The following WBP11 variants were observed in gnomAD, a reference collection of about 807,000 sequenced individuals.
WBP11 encodes WW domain-binding protein 11.
Under a neutral mutation model 66.7 loss-of-function variants are expected in WBP11, and 12 were observed. That is an observed-to-expected ratio of 0.18 (90% CI 0.12 to 0.29). WBP11 has a LOEUF of 0.29. Ranked by LOEUF, WBP11 falls within the 10% of genes least tolerant of loss-of-function variation. The pLI is 1.00. For synonymous variants in WBP11, 255 were observed against 273.8 expected, an observed-to-expected ratio of 0.93 and a Z score of 0.68; for missense variants, 555 against 818.3, an observed-to-expected ratio of 0.68 and a Z score of 3.93.
chr12:14,802,857 C>T (rs926023855), intron 1 of WBP11, among the ~76,000 whole-genome samples: 1 of 152,156 alleles, frequency 6.6e-6, no homozygotes, highest in Non-Finnish European at 1.5e-5. Flanking sequence ...TCTCCTCCCC[C>T]ACAAATGAAA....
At chr12:14,803,271 G>T (rs1046746113) in intron 1 of WBP11, 81 bp downstream of exon 1, 1 of 395,644 alleles carries the variant, frequency 2.5e-6, no homozygotes, top group African/African-American at 2.1e-5. Flanking sequence ...AAAGGGGCTG[G>T]GTGTCCCCCA....
intron 9 of WBP11, 37 bp downstream of exon 9, chr12:14,791,132 C>CA (rs1247086229): frequency 6.3e-7 from 1 of 1,589,600 alleles, no homozygotes; most frequent in African/African-American, 1.3e-5. Context: ...CGTGAGGATA[C>CA]ACCAAAAGGT....
rs554761826 is a variant in WBP11 at position 14,796,545 on chromosome 12, A to AG, written c.387+261_387+262insC. On this transcript the variant is annotated intron_variant, in intron 5 of 11. Transcript: ENST00000261167. The surrounding 1 kb of genome is among the most constrained non-coding windows in gnomAD (Gnocchi z 4.5). Reference sequence around the variant, plus strand: ...TGGTGGAAAAATCCACACCTGACCTAATGTGATGGGTCGTAGTTTTGTTTC... The same window carrying AG: ...TGGTGGAAAAATCCACACCTGACCTAGATGTGATGGGTCGTAGTTTTGTTTC... 8.9e-4 allele frequency among the ~76,000 whole-genome samples: 136 copies of AG among 152,292 alleles called. No individual in the cohort carries two copies. The highest frequency in any genetic ancestry group is 3.0e-3 in the African/African-American group (126 of 41,562).
intron 11 of WBP11, among the ~76,000 whole-genome samples, chr12:14,788,389 C>T (rs1290458280): frequency 6.6e-6 from 1 of 152,144 alleles, no homozygotes; most frequent in Non-Finnish European, 1.5e-5. Flanking sequence ...TCAAATACCA[C>T]TTTTAAATGA....
At chr12:14,802,710 T>G (rs1297350238) in intron 1 of WBP11, among the ~76,000 whole-genome samples, 106 of 134,260 alleles carry the variant, frequency 7.9e-4, no homozygotes, top group South Asian at 1.3e-3. Context: ...GTTAGGGGGG[T>G]GGGAGAGCAG....
chr12:14,786,083 C>A lies in WBP11; in HGVS notation c.*982G>T, dbSNP rs941576132. 3 of 152,140 alleles carry A rather than the reference C, an allele frequency of 2.0e-5. No individual in the cohort carries two copies. Among genetic ancestry groups the A allele is most frequent in the African/African-American group, 7.2e-5 (3 of 41,442 alleles). The allele number at this position is 152,140 out of a possible 1,614,324, so 9.4% of individuals were successfully genotyped here. A position where few individuals can be genotyped will look rare whatever the true frequency, so the allele number is the denominator to read the frequency against. On this transcript the variant is annotated 3_prime_UTR_variant, in exon 12 of 12. Coordinates refer to ENST00000261167, the MANE Select transcript of WBP11 (RefSeq NM_016312.3). ...TTAATATAAAAGCACACCAAACCCA[C>A]CAATTCAGAAAGGAAAAAAAGCTAA... is the stretch of plus-strand genomic sequence containing the variant.
chr12:14,798,819 T>C (rs1234849330), intron 4 of WBP11, among the ~76,000 whole-genome samples: 1 of 152,156 alleles, frequency 6.6e-6, no homozygotes, highest in Non-Finnish European at 1.5e-5. Context: ...TGGCAAAGGG[T>C]AGAAGACAAA....
In WBP11 at chr12:14,786,894, C is replaced by CT; in HGVS notation, c.*170dup. ...ACTGATCTATTCTGGATGAAATACC[C>CT]TTTTTTATGTGCAGTAAATTCTGAA... On this transcript the variant is annotated 3_prime_UTR_variant, in exon 12 of 12. Transcript: ENST00000261167. The CT allele has an allele frequency of 1.4e-6, 1 of 689,934 alleles. No homozygotes were observed. The highest frequency in any genetic ancestry group is 2.0e-5 in the South Asian group (1 of 48,986). The allele number at this position is 689,934 out of a possible 1,614,324, so 42.7% of individuals were successfully genotyped here.
intron 1 of WBP11, among the ~76,000 whole-genome samples, chr12:14,802,795 CT>C (rs1949981780): frequency 1.3e-5 from 2 of 152,186 alleles, no homozygotes; most frequent in East Asian, 3.9e-4. Context: ...CTTTGATTGC[CT>C]GCGTTTTTTG....
In WBP11 at chr12:14,786,192, T is replaced by C. The variant is rs914658201; in HGVS notation, c.*873A>G. The C allele has an allele frequency of 6.6e-6, 1 of 152,190 alleles. No homozygotes were observed. Among genetic ancestry groups the C allele is most frequent in the Non-Finnish European group, 1.5e-5 (1 of 68,014 alleles). The allele number at this position is 152,190 out of a possible 1,614,324, so 9.4% of individuals were successfully genotyped here. A position where few individuals can be genotyped will look rare whatever the true frequency, so the allele number is the denominator to read the frequency against. On this transcript the variant is annotated 3_prime_UTR_variant, in exon 12 of 12. Transcript: ENST00000261167. ...CGTATCAGTTCAAGAAGCTCTGGAATAAGTAACCACTGAAGGTAAGACATC... is the reference window on the plus strand; with the variant it reads ...CGTATCAGTTCAAGAAGCTCTGGAACAAGTAACCACTGAAGGTAAGACATC...
chr12:14,790,376 C>A, intron 10 of WBP11, 80 bp downstream of exon 10: 1 of 1,495,002 alleles, frequency 6.7e-7, no homozygotes, highest in Admixed American at 2.0e-5. Flanking sequence ...AAAACATGAA[C>A]ACTAACAACA....
chr12:14,797,463 G>A lies in WBP11; in HGVS notation c.191-460C>T, dbSNP rs185119611. On this transcript the variant is annotated intron_variant, in intron 4 of 11. Transcript: ENST00000261167. Reference sequence around the variant, plus strand: ...GGGATTACAAATAAAATATCCAGTGGTGTTTGACTCACCACTTAACTATAA... The same window carrying A: ...GGGATTACAAATAAAATATCCAGTGATGTTTGACTCACCACTTAACTATAA... Among the ~76,000 whole-genome samples, 163 of 152,272 alleles carry A rather than the reference G, an allele frequency of 1.1e-3. 1 individual carries two copies. The South Asian group carries it at 0.016, about 15-fold the overall frequency.
chr12:14,801,214 CCTATCA>C lies in WBP11; in HGVS notation c.64+100_64+105del, dbSNP rs1008056830. On this transcript the variant is annotated intron_variant, in intron 2 of 11. Transcript: ENST00000261167. ...AACCCTGAATATATAATTTATTCCTCCTATCACTGCTGGTCTTGTAATTAAGCCACA... is the reference window on the plus strand; with the variant it reads ...AACCCTGAATATATAATTTATTCCTCCTGCTGGTCTTGTAATTAAGCCACA... The C allele has an allele frequency of 5.4e-5, 59 of 1,101,300 alleles. No individual in the cohort carries two copies. The African/African-American group carries it at 8.7e-4, about 16-fold the overall frequency. The allele number at this position is 1,101,300 out of a possible 1,614,324, so 68.2% of individuals were successfully genotyped here.
intron 4 of WBP11, among the ~76,000 whole-genome samples, chr12:14,798,681 A>G (rs1417434335): frequency 1.3e-5 from 2 of 152,060 alleles, no homozygotes; most frequent in African/African-American, 4.8e-5. Context: ...GCCATGACTG[A>G]ATTTTTTTTT....
chr12:14,790,891 T>C lies in WBP11; in HGVS notation c.1016-142A>G, dbSNP rs902782121. ...AGTCTTCTTCAATAAAATACTTAGA[T>C]GTGAAAGAAATAACATTCTACTTAT... On this transcript the variant is annotated intron_variant, in intron 9 of 11. Coordinates refer to ENST00000261167, the MANE Select transcript of WBP11 (RefSeq NM_016312.3). 1.3e-5 allele frequency: 11 copies of C among 858,456 alleles called. No individual in the cohort carries two copies. In the African/African-American group the frequency reaches 1.9e-4, roughly 15 times the overall value. The allele number at this position is 858,456 out of a possible 1,614,324, so 53.2% of individuals were successfully genotyped here.
chr12:14,789,232 A>T, intron 10 of WBP11, 99 bp from the exon 11 acceptor site: 3 of 1,096,838 alleles, frequency 2.7e-6, no homozygotes, highest in Non-Finnish European at 2.5e-6. Context: ...TTTAACCTGA[A>T]ATCAGATTAA....
intron 4 of WBP11, among the ~76,000 whole-genome samples, chr12:14,798,146 A>G (rs1949914164): frequency 6.6e-6 from 1 of 152,136 alleles, no homozygotes; most frequent in Non-Finnish European, 1.5e-5. Flanking sequence ...CCTATTAACT[A>G]TTATTAATCT....
At chr12:14,801,157 T>C in intron 2 of WBP11, 163 bp downstream of exon 2, 1 of 557,626 alleles carries the variant, frequency 1.8e-6, no homozygotes, top group Non-Finnish European at 3.0e-6. Context: ...ACTAATTTCT[T>C]TGCATATTTA....
chr12:14,803,441 C>G lies in WBP11; in HGVS notation c.-135G>C, dbSNP rs958829457. ...CGTAAAGGCCTTCAACTGGGTCTCT[C>G]GGTCAACCCCTCAGCTACCGCCATC... On this transcript the variant is annotated 5_prime_UTR_variant, in exon 1 of 12. Coordinates refer to ENST00000261167, the MANE Select transcript of WBP11 (RefSeq NM_016312.3). 1 of 398,750 alleles carries G rather than the reference C, an allele frequency of 2.5e-6. No individual in the cohort carries two copies. The highest frequency in any genetic ancestry group is 4.4e-6 in the Non-Finnish European group (1 of 226,162). 24.7% of individuals were successfully genotyped at this position (398,750 alleles called of 1,614,324 possible).
Sources: allele counts gnomAD v4.1 joint callset (sites outside exome capture counted in the v4.1 genomes callset), GRCh38; gene constraint gnomAD v4.1.1; non-coding constraint Gnocchi (gnomAD v3.1); transcripts MANE v1.5; gene names NCBI Gene and HGNC (gene_info 2026-07-23, HGNC 2026-07-21).